The following RPS6KC1 variants were observed in gnomAD, a reference collection of about 807,000 sequenced individuals.
The protein encoded by RPS6KC1 is ribosomal protein S6 kinase C1.
In RPS6KC1, 54 loss-of-function variants were observed where a neutral mutation model predicts 103.8. That is an observed-to-expected ratio of 0.52 (90% CI 0.42 to 0.65). The LOEUF is 0.65. RPS6KC1 is among the 30% of genes least tolerant of loss of function. The pLI is 0.00. For synonymous variants in RPS6KC1, 439 were observed against 438.7 expected (o/e 1.00, Z -0.01); for missense variants, 1,151 against 1,253.8 (o/e 0.92, Z 1.24).
intron 6 of RPS6KC1, among the ~76,000 whole-genome samples, chr1:213,142,758 C>G (rs1402531954): frequency 2.0e-5 from 3 of 152,038 alleles, no homozygotes; most frequent in Non-Finnish European, 1.5e-5. Flanking sequence ...TTACTGAAGG[C>G]TCGGATGATC....
chr1:213,813,692 T>A, the RPS6KC1 span, among the ~76,000 whole-genome samples: 1 of 151,934 alleles, frequency 6.6e-6, no homozygotes, highest in Non-Finnish European at 1.5e-5. Context: ...AGAAGGAGGG[T>A]GGAGAATCTG....
At chr1:213,689,768 A>G in the RPS6KC1 span, among the ~76,000 whole-genome samples, 1 of 152,238 alleles carries the variant, frequency 6.6e-6, no homozygotes, top group African/African-American at 2.4e-5. Flanking sequence ...TTCTGTTGCC[A>G]TAGTTCTGCC....
chr1:213,285,722 A>G, the RPS6KC1 span, among the ~76,000 whole-genome samples: 9 of 152,336 alleles, frequency 5.9e-5, no homozygotes, highest in South Asian at 1.0e-3. Context: ...TGTCCTCACA[A>G]AATTCCTGTG....
chr1:213,454,150 G>GT, the RPS6KC1 span, among the ~76,000 whole-genome samples: 5 of 151,522 alleles, frequency 3.3e-5, no homozygotes, highest in African/African-American at 1.2e-4. Context: ...GACCACATGG[G>GT]GGGGGTCAGC....
chr1:213,386,839 T>C, the RPS6KC1 span, among the ~76,000 whole-genome samples: 14 of 152,230 alleles, frequency 9.2e-5, no homozygotes, highest in Non-Finnish European at 1.3e-4. Context: ...TGGCTCTTAA[T>C]GACTGTGGAA....
At chr1:213,633,322 C>G in the RPS6KC1 span, among the ~76,000 whole-genome samples, 55,751 of 152,042 alleles carry the variant, frequency 0.37, 11,311 homozygotes, top group Non-Finnish European at 0.46. Context: ...CCCACAAAGG[C>G]AAGCCCATCA....
At chr1:213,499,484 T>C in the RPS6KC1 span, among the ~76,000 whole-genome samples, 1 of 152,190 alleles carries the variant, frequency 6.6e-6, no homozygotes, top group Non-Finnish European at 1.5e-5. Flanking sequence ...TCAGGCATAG[T>C]TAGAGTCTCA....
chr1:213,764,203 G>C, the RPS6KC1 span, among the ~76,000 whole-genome samples: 2 of 152,242 alleles, frequency 1.3e-5, no homozygotes, highest in Non-Finnish European at 2.9e-5. Flanking sequence ...AACACGCAGA[G>C]AGAGAAGCTA....
intron 8 of RPS6KC1, chr1:213,205,279 A>C: frequency 2.0e-6 from 2 of 984,948 alleles, no homozygotes; most frequent in Non-Finnish European, 2.4e-6. Flanking sequence ...TCTGCTGAAG[A>C]CAATTGTTAC....
chr1:213,561,489 T>A, the RPS6KC1 span, among the ~76,000 whole-genome samples: 1 of 152,216 alleles, frequency 6.6e-6, no homozygotes, highest in African/African-American at 2.4e-5. Flanking sequence ...TTCCTTCTTA[T>A]GTCATTTGTA....
the RPS6KC1 span, among the ~76,000 whole-genome samples, chr1:213,829,268 CAAAAAAAAA>C: frequency 0.023 from 2,667 of 114,388 alleles, 100 homozygotes; most frequent in African/African-American, 0.081. Context: ...TCGTTTGTTT[CAAAAAAAAA>C]AAAAAAAAAA....
chr1:213,558,699 G>A, the RPS6KC1 span, among the ~76,000 whole-genome samples: 1 of 152,148 alleles, frequency 6.6e-6, no homozygotes, highest in Non-Finnish European at 1.5e-5. Flanking sequence ...CATACATAGT[G>A]GACTGTACCC....
chr1:213,328,935 T>G, the RPS6KC1 span, among the ~76,000 whole-genome samples: 1 of 152,166 alleles, frequency 6.6e-6, no homozygotes, highest in East Asian at 1.9e-4. Context: ...ATCATGCCCT[T>G]TTAAGGTGCA....
the RPS6KC1 span, among the ~76,000 whole-genome samples, chr1:213,691,077 A>G: frequency 6.6e-6 from 1 of 152,070 alleles, no homozygotes; most frequent in Non-Finnish European, 1.5e-5. Flanking sequence ...CTTTTCTTAC[A>G]AACTGAGCCT....
intron 6 of RPS6KC1, among the ~76,000 whole-genome samples, chr1:213,142,036 T>G (rs1038389576): frequency 6.6e-6 from 1 of 152,110 alleles, no homozygotes; most frequent in African/African-American, 2.4e-5. Flanking sequence ...TGAACTTGTT[T>G]CGAGAATCTG....
the RPS6KC1 span, among the ~76,000 whole-genome samples, chr1:213,807,467 CTTTG>C: frequency 6.6e-6 from 1 of 152,180 alleles, no homozygotes; most frequent in Non-Finnish European, 1.5e-5. Flanking sequence ...TTCTTGGAGG[CTTTG>C]TTTGTTTCTT....
chr1:213,158,812 C>G (rs2148046723), intron 6 of RPS6KC1, among the ~76,000 whole-genome samples: 1 of 152,036 alleles, frequency 6.6e-6, no homozygotes, highest in South Asian at 2.1e-4. Context: ...AGAGAAGGAA[C>G]CCTAGAAAAC....
the RPS6KC1 span, among the ~76,000 whole-genome samples, chr1:213,540,566 G>C: frequency 6.6e-6 from 1 of 152,118 alleles, no homozygotes; most frequent in Admixed American, 6.6e-5. Flanking sequence ...GCCGACGTGG[G>C]TCTTGAACTC....
At chr1:213,222,672 T>A (rs902030366) in intron 8 of RPS6KC1, among the ~76,000 whole-genome samples, 1 of 152,212 alleles carries the variant, frequency 6.6e-6, no homozygotes, top group Non-Finnish European at 1.5e-5. Flanking sequence ...TTCTAGTAGT[T>A]GAATTTTTAT....
Sources: gnomAD v4.1 joint callset for allele counts (sites outside exome capture counted in the v4.1 genomes callset) on GRCh38, gnomAD v4.1.1 for gene constraint, MANE v1.5 for transcripts, NCBI Gene and HGNC (gene_info 2026-07-23, HGNC 2026-07-21) for gene names.